The following RAPGEF4 variants were observed in gnomAD, a reference collection of about 807,000 sequenced individuals.
The protein encoded by RAPGEF4 is RAP guanine-nucleotide-exchange factor (GEF) 4.
Under a neutral mutation model 147.9 loss-of-function variants are expected in RAPGEF4, and 66 were observed. The ratio of observed to expected loss-of-function variants is 0.45; its 90% CI spans 0.37 to 0.55. The LOEUF is 0.55. Among genes scored for constraint, RAPGEF4 ranks in the 20% least tolerant of loss-of-function variants. The probability of loss-of-function intolerance (pLI) is 0.00; values close to 1 mark genes in which losing one functional copy is unlikely to be tolerated. For missense variants in RAPGEF4, 1,071 were observed against 1,257.3 expected, an observed-to-expected ratio of 0.85 and a Z score of 2.24; for synonymous variants, 419 against 442.7, an observed-to-expected ratio of 0.95 and a Z score of 0.67.
In RAPGEF4 at chr2:173,009,988, CACA is replaced by C. The variant is rs1694855601; in HGVS notation, c.1659-4469_1659-4467del. Among the ~76,000 whole-genome samples the C allele has an allele frequency of 2.6e-5, 4 of 152,260 alleles. No homozygotes were observed. In the South Asian group the frequency reaches 8.3e-4, roughly 32 times the overall value. On this transcript the variant is annotated intron_variant, in intron 17 of 30. Transcript: ENST00000397081. ...AAAGTAATGTTAACATCAGACAAAA[CACA>C]ACAACATAGGTAAAAAGAGTACTGG...
intron 4 of RAPGEF4, among the ~76,000 whole-genome samples, chr2:172,875,722 G>A (rs1695838157): frequency 6.6e-6 from 1 of 152,040 alleles, no homozygotes; most frequent in African/African-American, 2.4e-5. Context: ...GATTGTCTTG[G>A]CAATGTGGGC....
At chr2:172,991,251 A>G (rs1692806054) in intron 15 of RAPGEF4, among the ~76,000 whole-genome samples, 1 of 152,240 alleles carries the variant, frequency 6.6e-6, no homozygotes. Flanking sequence ...CAGGCAGCTC[A>G]AAGGATATGA....
intron 4 of RAPGEF4, among the ~76,000 whole-genome samples, chr2:172,863,829 C>T (rs1003899995): frequency 3.9e-5 from 6 of 152,104 alleles, no homozygotes; most frequent in African/African-American, 1.4e-4. Flanking sequence ...CCCAACCCAC[C>T]CTCGGGTCAA....
intron 29 of RAPGEF4, among the ~76,000 whole-genome samples, chr2:173,046,525 G>A (rs938920087): frequency 3.3e-5 from 5 of 152,166 alleles, no homozygotes; most frequent in Non-Finnish European, 5.9e-5. Flanking sequence ...TTCAATATCT[G>A]AAGAATTACA....
At chr2:172,787,320 G>A (rs1685312689) in intron 1 of RAPGEF4, among the ~76,000 whole-genome samples, 1 of 152,000 alleles carries the variant, frequency 6.6e-6, no homozygotes, top group African/African-American at 2.4e-5. Context: ...TTACCATTAT[G>A]ATTTATATAG....
intron 4 of RAPGEF4, among the ~76,000 whole-genome samples, chr2:172,834,294 T>C (rs1274461467): frequency 6.6e-6 from 1 of 152,244 alleles, no homozygotes; most frequent in Non-Finnish European, 1.5e-5. Flanking sequence ...CAGTGCTCAA[T>C]GTATTGGCCT....
At chr2:172,798,332 G>A (rs575781081) in intron 3 of RAPGEF4, among the ~76,000 whole-genome samples, 2 of 152,068 alleles carry the variant, frequency 1.3e-5, no homozygotes, top group Middle Eastern at 6.8e-3. Flanking sequence ...GTCGAACCCA[G>A]GGCCTTCTTT....
chr2:172,830,837 A>C (rs962297725), intron 4 of RAPGEF4, among the ~76,000 whole-genome samples: 1 of 152,220 alleles, frequency 6.6e-6, no homozygotes, highest in Non-Finnish European at 1.5e-5. Flanking sequence ...TAATACATAC[A>C]TGTGGTACAA....
At position 173,052,371 on chromosome 2, in the gene RAPGEF4, GAAT is replaced by G. The variant is rs1276735929; in HGVS notation, c.*609_*611del. The G allele has an allele frequency of 6.6e-6, 1 of 152,524 alleles. No homozygotes were observed. The highest frequency in any genetic ancestry group is 1.5e-5 in the Non-Finnish European group (1 of 68,018). 9.4% of individuals were successfully genotyped at this position (152,524 alleles called of 1,614,324 possible). ...GGTCTGTAATTTCTGAATGTATATA[GAAT>G]AATATTTATGTTTACAATGTAACTT... On this transcript the variant is annotated 3_prime_UTR_variant, in exon 31 of 31. Transcript: ENST00000397081.
chr2:172,789,750 G>A (rs1685613186), intron 1 of RAPGEF4, among the ~76,000 whole-genome samples: 1 of 152,242 alleles, frequency 6.6e-6, no homozygotes, highest in Non-Finnish European at 1.5e-5. Context: ...TTAGCAGAAT[G>A]TCTTCAAGGT....
At chr2:172,918,929 G>T (rs1310355662) in intron 5 of RAPGEF4, among the ~76,000 whole-genome samples, 1 of 152,048 alleles carries the variant, frequency 6.6e-6, no homozygotes, top group African/African-American at 2.4e-5. Flanking sequence ...CTCTCTCCCT[G>T]CTTGACCGCA....
intron 1 of RAPGEF4, among the ~76,000 whole-genome samples, chr2:172,770,693 A>G (rs1022342374): frequency 1.2e-4 from 18 of 152,310 alleles, no homozygotes; most frequent in African/African-American, 4.3e-4. Context: ...GTTAAATGGA[A>G]AGAATTGCCA....
At chr2:172,795,755 C>T (rs1686299314) in intron 2 of RAPGEF4, among the ~76,000 whole-genome samples, 2 of 152,126 alleles carry the variant, frequency 1.3e-5, no homozygotes, top group African/African-American at 2.4e-5. Flanking sequence ...ATTACTTATA[C>T]AGAAGAAGTC....
chr2:172,965,746 G>C, intron 9 of RAPGEF4, 63 bp downstream of exon 9: 3 of 1,602,830 alleles, frequency 1.9e-6, no homozygotes, highest in Non-Finnish European at 2.6e-6. Context: ...CCCTGGGTAA[G>C]TAGTTGCTGA....
rs551838570 is a variant in RAPGEF4, at chr2:172,988,188, G to A, written c.1151-8G>A. On this transcript the variant is annotated splice_polypyrimidine_tract_variant and splice_region_variant and intron_variant, in intron 12 of 30. Coordinates refer to ENST00000397081, the MANE Select transcript of RAPGEF4 (RefSeq NM_007023.4). ...TTATCATAAGTCTTTTCATCTTTTT[G>A]TGTCTAGTGTTTAACCAGGGGGAAG... is the stretch of plus-strand genomic sequence containing the variant. 1.3e-5 allele frequency: 20 copies of A among 1,591,588 alleles called. No individual in the cohort carries two copies. The South Asian group carries it at 1.6e-4, about 13-fold the overall frequency.
chr2:172,988,617 G>T, intron 13 of RAPGEF4, 76 bp from the exon 14 acceptor site: 1 of 1,471,922 alleles, frequency 6.8e-7, no homozygotes, highest in Non-Finnish European at 9.4e-7. Context: ...GGGGCTTGGG[G>T]GTCTTGTGGC....
intron 4 of RAPGEF4, among the ~76,000 whole-genome samples, chr2:172,911,426 C>T (rs1036796091): frequency 6.6e-5 from 10 of 152,016 alleles, no homozygotes; most frequent in Admixed American, 4.6e-4. Context: ...TTCTAGTTTC[C>T]GGGAGTTGTT....
intron 15 of RAPGEF4, among the ~76,000 whole-genome samples, chr2:172,992,880 C>T (rs1286261955): frequency 6.6e-6 from 1 of 152,020 alleles, no homozygotes; most frequent in African/African-American, 2.4e-5. Context: ...GGGTCATTTT[C>T]CATGTTGAGC....
At chr2:172,807,547 A>G (rs1687627390) in intron 3 of RAPGEF4, among the ~76,000 whole-genome samples, 1 of 152,238 alleles carries the variant, frequency 6.6e-6, no homozygotes, top group Admixed American at 6.5e-5. Flanking sequence ...ATTGGGTTCC[A>G]TTTAATTTTA....
Sources: gnomAD v4.1 joint callset for allele counts (sites outside exome capture counted in the v4.1 genomes callset) on GRCh38, gnomAD v4.1.1 for gene constraint, MANE v1.5 for transcripts, NCBI Gene and HGNC (gene_info 2026-07-23, HGNC 2026-07-21) for gene names.